TENM3: variants seen among roughly 807,000 people sequenced by gnomAD.
TENM3 encodes the protein teneurin-3.
In TENM3, 63 loss-of-function variants were observed where a neutral mutation model predicts 255.1. The observed-to-expected ratio is 0.25, with a 90% CI of 0.20 to 0.30. TENM3 has a LOEUF of 0.30. Among genes scored for constraint, TENM3 ranks in the 10% least tolerant of loss-of-function variants. TENM3 has a pLI of 1.00. For synonymous variants in TENM3, 1,306 were observed against 1,322.3 expected (o/e 0.99, Z 0.27); for missense variants, 2,929 against 3,461.1 (o/e 0.85, Z 3.86).
chr4:181,751,201 A>G, the TENM3 span, among the ~76,000 whole-genome samples: 2 of 152,134 alleles, frequency 1.3e-5, no homozygotes, highest in Admixed American at 1.3e-4. Context: ...TTACTTCCTC[A>G]AAGTTAACAA....
intron 1 of TENM3, among the ~76,000 whole-genome samples, chr4:182,315,258 A>G (rs1434375056): frequency 6.6e-6 from 1 of 152,068 alleles, no homozygotes; most frequent in Admixed American, 6.5e-5. Context: ...ACTTATTTCT[A>G]TGTGATTTTG....
At chr4:181,948,662 C>A in the TENM3 span, among the ~76,000 whole-genome samples, 2 of 152,074 alleles carry the variant, frequency 1.3e-5, no homozygotes, top group African/African-American at 4.8e-5. Context: ...GTGATCTGCC[C>A]ACCTCAGCCT....
chr4:181,526,808 C>A, the TENM3 span, among the ~76,000 whole-genome samples: 1 of 152,194 alleles, frequency 6.6e-6, no homozygotes, highest in African/African-American at 2.4e-5. Flanking sequence ...CTCTAAATTT[C>A]TCTCCAGAAT....
chr4:181,624,904 C>A, the TENM3 span, among the ~76,000 whole-genome samples: 1 of 151,950 alleles, frequency 6.6e-6, no homozygotes, highest in Non-Finnish European at 1.5e-5. Flanking sequence ...TTGGCTGGTG[C>A]CTGGCTTGCT....
At chr4:181,908,154 A>G in the TENM3 span, among the ~76,000 whole-genome samples, 1 of 152,200 alleles carries the variant, frequency 6.6e-6, no homozygotes, top group East Asian at 1.9e-4. Context: ...TTGCTGAAAA[A>G]AAAATCAGTT....
Position 182,365,072 on chromosome 4 carries a change from T to C in TENM3, c.511+18143T>C, listed in dbSNP as rs570503273. Among the ~76,000 whole-genome samples the C allele has an allele frequency of 6.6e-5, 10 of 152,296 alleles. No homozygotes were observed. The South Asian group carries it at 2.1e-3, about 32-fold the overall frequency. Reference sequence around the variant, plus strand: ...TTTCCCCCAGGGCACTGACAGGGAGTGTTTCCATGCTTTAAATTTTTGACA... The same window carrying C: ...TTTCCCCCAGGGCACTGACAGGGAGCGTTTCCATGCTTTAAATTTTTGACA... On this transcript the variant is annotated intron_variant, in intron 3 of 27. Coordinates refer to ENST00000511685, the MANE Select transcript of TENM3 (RefSeq NM_001080477.4).
intron 3 of TENM3, among the ~76,000 whole-genome samples, chr4:182,443,021 C>A (rs1390446600): frequency 2.0e-5 from 3 of 151,830 alleles, no homozygotes; most frequent in Non-Finnish European, 4.4e-5. Flanking sequence ...CCGTGTCTGG[C>A]CTGAGAACCA....
rs6817214 is a variant in TENM3 at position 182,729,325 on chromosome 4, A to G, written c.2585+144A>G. 0.057 allele frequency: 41,142 copies of G among 721,834 alleles called. 1,795 individuals carry two copies. Among genetic ancestry groups the G allele is most frequent in the African/African-American group, 0.17 (9,395 of 55,890 alleles). The allele number at this position is 721,834 out of a possible 1,614,324, so 44.7% of individuals were successfully genotyped here. A position where few individuals can be genotyped will look rare whatever the true frequency, so the allele number is the denominator to read the frequency against. ...TCCTCTTTCTGCAGATTCTTCACCA[A>G]ACTTTGTATTTCAAGCATTTTTGAC... On this transcript the variant is annotated intron_variant, in intron 14 of 27. Coordinates refer to ENST00000511685, the MANE Select transcript of TENM3 (RefSeq NM_001080477.4).
chr4:181,524,981 A>G, the TENM3 span, among the ~76,000 whole-genome samples: 2 of 152,238 alleles, frequency 1.3e-5, no homozygotes, highest in African/African-American at 4.8e-5. Flanking sequence ...CCCTAACACC[A>G]GATGATTAGA....
chr4:181,769,362 T>C, the TENM3 span, among the ~76,000 whole-genome samples: 1 of 152,188 alleles, frequency 6.6e-6, no homozygotes, highest in East Asian at 1.9e-4. Flanking sequence ...TGACACAGCC[T>C]GGGTTTTATT....
At chr4:182,672,859 G>A in intron 6 of TENM3, 146 bp from the exon 7 acceptor site, 2 of 615,816 alleles carry the variant, frequency 3.2e-6, no homozygotes, top group African/African-American at 1.8e-5. Context: ...AGCTTTTAAA[G>A]TGCAAATTTT....
intron 19 of TENM3, among the ~76,000 whole-genome samples, chr4:182,744,477 CCATGTTGAACAG>C (rs1376521767): frequency 6.6e-6 from 1 of 152,070 alleles, no homozygotes; most frequent in African/African-American, 2.4e-5. Context: ...ACAATCTAAG[CCATGTTGAACAG>C]CATGAAACCT....
At chr4:182,243,172 T>C (rs2150075366), upstream of TENM3, among the ~76,000 whole-genome samples, 1 of 152,312 alleles carries the variant, frequency 6.6e-6, no homozygotes, top group South Asian at 2.1e-4. Context: ...TGGAGTGCAG[T>C]TGGGTGATCT....
At chr4:182,428,349 A>C (rs1477999965) in intron 3 of TENM3, among the ~76,000 whole-genome samples, 1 of 152,286 alleles carries the variant, frequency 6.6e-6, no homozygotes, top group East Asian at 1.9e-4. Flanking sequence ...GTGAGAGAGC[A>C]TAAAGAGATG....
At chr4:182,010,062 G>A in the TENM3 span, among the ~76,000 whole-genome samples, 1 of 152,148 alleles carries the variant, frequency 6.6e-6, no homozygotes, top group African/African-American at 2.4e-5. Context: ...TGGATACTTT[G>A]GTTGCCAGTG....
intron 3 of TENM3, among the ~76,000 whole-genome samples, chr4:182,488,310 C>A (rs73001394): frequency 0.03 from 4,559 of 151,950 alleles, 83 homozygotes; most frequent in Non-Finnish European, 0.034. Flanking sequence ...TACATACCAG[C>A]AGAAAAAAAC....
rs1766520352 is a variant in TENM3 at position 182,796,757 on chromosome 4, A to ATT, written c.7335_7336insTT (p.Asp2446LeufsTer31). 6.2e-7 allele frequency: 1 copy of ATT among 1,607,350 alleles called. No individual in the cohort carries two copies. The stretch of plus-strand genomic sequence containing the variant: ...GAACTTGTGAAGAGTCAGCAGTGGG[A>ATT]TGATATACCGGTAAGAAACAAAAAG... On this transcript the variant is annotated frameshift_variant, in exon 27 of 28. Transcript: ENST00000511685. LOFTEE classifies it high-confidence loss of function.
chr4:182,402,667 C>A (rs1769288736), intron 3 of TENM3, among the ~76,000 whole-genome samples: 1 of 152,114 alleles, frequency 6.6e-6, no homozygotes, highest in African/African-American at 2.4e-5. Flanking sequence ...GTGGGTAAAG[C>A]TTCCTGTTTG....
intron 12 of TENM3, among the ~76,000 whole-genome samples, chr4:182,691,561 A>G (rs1054625044): frequency 2.6e-5 from 4 of 152,166 alleles, no homozygotes; most frequent in African/African-American, 9.6e-5. Flanking sequence ...AAAGGGTTCT[A>G]TTCTGATATT....
Sources: gnomAD v4.1 joint callset for allele counts (sites outside exome capture counted in the v4.1 genomes callset) on GRCh38, gnomAD v4.1.1 for gene constraint, MANE v1.5 for transcripts, NCBI Gene and HGNC (gene_info 2026-07-23, HGNC 2026-07-21) for gene names.